LAMA2: variants seen among roughly 807,000 people sequenced by gnomAD.
LAMA2 encodes laminin subunit alpha-2.
In LAMA2, 269 loss-of-function variants were observed where a neutral mutation model predicts 364.8. The observed-to-expected ratio is 0.74, with a 90% CI of 0.67 to 0.82. LAMA2 has a LOEUF of 0.82. LAMA2 is among the 40% of genes least tolerant of loss of function. LAMA2 has a pLI of 0.00. For missense variants in LAMA2, 3,807 were observed against 3,873.2 expected (o/e 0.98, Z 0.45); for synonymous variants, 1,379 against 1,370.6 (o/e 1.01, Z -0.14).
intron 20 of LAMA2, among the ~76,000 whole-genome samples, chr6:129,296,378 G>C (rs888045006): frequency 1.3e-5 from 2 of 151,600 alleles, no homozygotes; most frequent in Non-Finnish European, 2.9e-5. Context: ...TCATCTGTTG[G>C]AACTGTTACA....
intron 1 of LAMA2, among the ~76,000 whole-genome samples, chr6:128,917,415 T>C (rs2114475740): frequency 6.6e-6 from 1 of 152,210 alleles, no homozygotes; most frequent in African/African-American, 2.4e-5. Context: ...CTTTTATTCC[T>C]TTTTAAGCAA....
At chr6:129,512,227 G>C in intron 62 of LAMA2, 136 bp from the exon 63 acceptor site, 1 of 785,634 alleles carries the variant, frequency 1.3e-6, no homozygotes. Context: ...GGCCAGGCAG[G>C]ATCTGAAACT....
chr6:129,113,131 A>G (rs1035176938), intron 4 of LAMA2, among the ~76,000 whole-genome samples: 2 of 152,066 alleles, frequency 1.3e-5, no homozygotes, highest in African/African-American at 4.8e-5. Context: ...AGCTTATACA[A>G]TGCATCCTGT....
At chr6:129,441,568 G>T (rs946836934) in intron 43 of LAMA2, among the ~76,000 whole-genome samples, 1 of 151,778 alleles carries the variant, frequency 6.6e-6, no homozygotes, top group African/African-American at 2.4e-5. Flanking sequence ...AAATTATATT[G>T]ACTTAAGGAT....
chr6:129,131,817 A>G (rs983978660), intron 4 of LAMA2, among the ~76,000 whole-genome samples: 1 of 152,210 alleles, frequency 6.6e-6, no homozygotes, highest in Non-Finnish European at 1.5e-5. Context: ...ACACTTTCTT[A>G]GAACTTTGAT....
At chr6:128,946,020 G>A (rs1780461838) in intron 1 of LAMA2, among the ~76,000 whole-genome samples, 1 of 152,108 alleles carries the variant, frequency 6.6e-6, no homozygotes, top group Non-Finnish European at 1.5e-5. Flanking sequence ...ATGTGAGAAG[G>A]CCACACAGCA....
At chr6:129,039,466 C>T (rs540783556) in intron 1 of LAMA2, among the ~76,000 whole-genome samples, 6 of 152,202 alleles carry the variant, frequency 3.9e-5, no homozygotes, top group Admixed American at 3.3e-4. Flanking sequence ...TTTAGATCAC[C>T]AAGGAGTTTG....
chr6:128,892,151 G>A (rs1172211640), intron 1 of LAMA2, among the ~76,000 whole-genome samples: 1 of 151,834 alleles, frequency 6.6e-6, no homozygotes, highest in Non-Finnish European at 1.5e-5. Context: ...CTTAAGAACA[G>A]CAAAATATTC....
At chr6:129,258,163 G>A (rs934111518) in intron 14 of LAMA2, among the ~76,000 whole-genome samples, 2 of 151,982 alleles carry the variant, frequency 1.3e-5, no homozygotes, top group East Asian at 1.9e-4. Flanking sequence ...TAGCCCATAA[G>A]CTCATGCCAA....
chr6:129,441,752 G>A (rs1782126048), intron 43 of LAMA2, among the ~76,000 whole-genome samples: 1 of 152,080 alleles, frequency 6.6e-6, no homozygotes. Context: ...CCTGAGGCGA[G>A]AGGATCACTT....
intron 40 of LAMA2, among the ~76,000 whole-genome samples, chr6:129,417,084 C>T (rs1364989604): frequency 6.6e-6 from 1 of 152,140 alleles, no homozygotes; most frequent in Non-Finnish European, 1.5e-5. Context: ...TTCTCTCCTG[C>T]TCATTGCTGT....
chr6:128,936,493 G>GGATA (rs1167699654), intron 1 of LAMA2, among the ~76,000 whole-genome samples: 2 of 152,020 alleles, frequency 1.3e-5, no homozygotes, highest in Admixed American at 1.3e-4. Flanking sequence ...TATGCATGGG[G>GGATA]GATACATTCC....
At chr6:128,903,666 C>A (rs566375326) in intron 1 of LAMA2, among the ~76,000 whole-genome samples, 68 of 152,210 alleles carry the variant, frequency 4.5e-4, no homozygotes, top group African/African-American at 1.5e-3. Context: ...TTATCCTCTG[C>A]TTTATTATTC....
intron 23 of LAMA2, among the ~76,000 whole-genome samples, chr6:129,314,398 C>CAAAAAAAAAAAAAAAAAAAAAAAAAAA (rs3062342): frequency 2.8e-4 from 23 of 81,856 alleles, no homozygotes; most frequent in East Asian, 1.1e-3. Flanking sequence ...GACTCCGTCT[C>CAAAAAAAAAAAAAAAAAAAAAAAAAAA]AAAAAAAAAA....
chr6:129,101,330 G>C (rs1216767237), intron 4 of LAMA2, among the ~76,000 whole-genome samples: 1 of 152,024 alleles, frequency 6.6e-6, no homozygotes, highest in Non-Finnish European at 1.5e-5. Context: ...TGTTAAACTC[G>C]GTACATACAG....
intron 3 of LAMA2, among the ~76,000 whole-genome samples, chr6:129,076,255 T>A (rs887008835): frequency 6.6e-6 from 1 of 150,900 alleles, no homozygotes; most frequent in African/African-American, 2.4e-5. Flanking sequence ...TATAATTGAA[T>A]CCTAGGCACT....
chr6:129,126,603 C>T (rs1002788101), intron 4 of LAMA2, among the ~76,000 whole-genome samples: 1 of 151,786 alleles, frequency 6.6e-6, no homozygotes, highest in Non-Finnish European at 1.5e-5. Context: ...CAAACTTTTA[C>T]AAATACAAAG....
intron 41 of LAMA2, among the ~76,000 whole-genome samples, chr6:129,429,107 C>T (rs1414151279): frequency 1.3e-5 from 2 of 152,178 alleles, no homozygotes; most frequent in Non-Finnish European, 2.9e-5. Context: ...CTGCTTTCTT[C>T]CAGACCTTCA....
Position 129,320,557 on chromosome 6 carries a change from G to C in LAMA2, c.4078G>C (p.Glu1360Gln), listed in dbSNP as rs1197718987. 1 of 1,608,918 alleles carries C rather than the reference G, an allele frequency of 6.2e-7. No homozygotes were observed. The highest frequency in any genetic ancestry group is 1.3e-5 in the African/African-American group (1 of 74,780). The change falls in exon 28 of 65, where the codon GAG becomes CAG. Residue 1360 changes from glutamate to glutamine, a missense_variant. Physicochemically the swap from Glu to Gln is conservative, Grantham distance 29 (BLOSUM62 2). Transcript: ENST00000421865. ...RQSRISEISM[E>Q]VAEQGRGTTM... ...TTCTAGGATTTCTGAAATCTCAATG[G>C]AGGTAGCTGAACAAGGACGTGGAAC...
Sources: allele counts gnomAD v4.1 joint callset (sites outside exome capture counted in the v4.1 genomes callset), GRCh38; gene constraint gnomAD v4.1.1; transcripts MANE v1.5; gene names NCBI Gene and HGNC (gene_info 2026-07-23, HGNC 2026-07-21).